The following SNW1 variants were observed in gnomAD, a reference collection of about 807,000 sequenced individuals.
SNW1 encodes the protein SNW domain-containing protein 1.
SNW1 carries 9 observed loss-of-function variants against 75.6 expected under a neutral mutation model. That is an observed-to-expected ratio of 0.12 (90% CI 0.07 to 0.21). The LOEUF (loss-of-function observed/expected upper bound fraction) is 0.21. Ranked by LOEUF, SNW1 falls within the 10% of genes least tolerant of loss-of-function variation. The pLI, the probability that SNW1 is intolerant of heterozygous loss-of-function variation, is 1.00. For missense variants in SNW1, 409 were observed against 670.9 expected (o/e 0.61, Z 4.31); for synonymous variants, 200 against 219.1 (o/e 0.91, Z 0.77).
intron 2 of SNW1, among the ~76,000 whole-genome samples, chr14:77,751,966 A>G (rs1362223981): frequency 6.6e-6 from 1 of 152,166 alleles, no homozygotes; most frequent in Non-Finnish European, 1.5e-5. Flanking sequence ...TAACAGCTTA[A>G]TAAGGACAGC....
intron 12 of SNW1, 50 bp downstream of exon 12, chr14:77,720,661 G>A (rs759601977): frequency 1.7e-6 from 2 of 1,181,734 alleles, no homozygotes; most frequent in Non-Finnish European, 2.5e-6. Flanking sequence ...GTTTCCCTGA[G>A]GATAGGTATT....
At chr14:77,737,522 A>G (rs1463191268) in intron 5 of SNW1, among the ~76,000 whole-genome samples, 2 of 152,208 alleles carry the variant, frequency 1.3e-5, no homozygotes, top group Admixed American at 6.5e-5. Flanking sequence ...TTTTTCCTCA[A>G]TATCTGTATG....
intron 10 of SNW1, among the ~76,000 whole-genome samples, chr14:77,725,388 C>CA (rs950853867): frequency 1.3e-4 from 20 of 152,150 alleles, no homozygotes; most frequent in African/African-American, 4.1e-4. Flanking sequence ...AGATTTTACC[C>CA]AAAAAATCTT....
chr14:77,735,735 G>C (rs2080665702), intron 7 of SNW1, among the ~76,000 whole-genome samples: 1 of 152,130 alleles, frequency 6.6e-6, no homozygotes, highest in Admixed American at 6.5e-5. Flanking sequence ...ATTAAAAGTA[G>C]GGTTTGCATT....
chr14:77,742,250 G>A (rs2080724976), intron 3 of SNW1, among the ~76,000 whole-genome samples: 1 of 151,940 alleles, frequency 6.6e-6, no homozygotes, highest in African/African-American at 2.4e-5. Flanking sequence ...TGGCCAGGCT[G>A]GTCTCGATCT....
chr14:77,757,237 A>G (rs2080848029), intron 1 of SNW1, among the ~76,000 whole-genome samples: 1 of 151,470 alleles, frequency 6.6e-6, no homozygotes, highest in South Asian at 2.1e-4. Flanking sequence ...AAAAAAAAAA[A>G]TCACACAAAT....
intron 1 of SNW1, among the ~76,000 whole-genome samples, chr14:77,755,684 T>A (rs2080837777): frequency 6.6e-6 from 1 of 151,978 alleles, no homozygotes; most frequent in African/African-American, 2.4e-5. Context: ...CCCAAAGTGC[T>A]GGAATTACAG....
chr14:77,747,707 C>T lies in SNW1; in HGVS notation c.330+3612G>A, dbSNP rs901930282. On this transcript the variant is annotated intron_variant, in intron 3 of 13. Coordinates refer to ENST00000261531, the MANE Select transcript of SNW1 (RefSeq NM_012245.3). The stretch of plus-strand genomic sequence containing the variant: ...AGCCGCCCCGTCCAGGAGGGAGGTG[C>T]GGGGCAGCCCCCGCCCCGGCAGCCG... Among the ~76,000 whole-genome samples the T allele has an allele frequency of 1.0e-4, 15 of 146,332 alleles. 1 individual carries two copies. The highest frequency in any genetic ancestry group is 2.1e-4 in the Non-Finnish European group (14 of 67,610).
intron 2 of SNW1, among the ~76,000 whole-genome samples, chr14:77,753,517 A>G (rs971369217): frequency 6.6e-6 from 1 of 152,204 alleles, no homozygotes; most frequent in African/African-American, 2.4e-5. Context: ...AATAATTGCA[A>G]TATGACTGGC....
intron 3 of SNW1, among the ~76,000 whole-genome samples, chr14:77,748,961 A>G (rs183696044): frequency 2.0e-5 from 3 of 152,324 alleles, no homozygotes; most frequent in East Asian, 3.9e-4. Flanking sequence ...AGCATAAACA[A>G]TTAGGAAAAT....
At chr14:77,726,350 G>A (rs1345101104) in intron 10 of SNW1, among the ~76,000 whole-genome samples, 1 of 152,004 alleles carries the variant, frequency 6.6e-6, no homozygotes, top group African/African-American at 2.4e-5. Flanking sequence ...AAAGAGATAG[G>A]GTCTTACTGT....
rs1318478789 is a variant in SNW1, at chr14:77,742,441, G to C, written c.331-3380C>G. 3.9e-5 allele frequency among the ~76,000 whole-genome samples: 6 copies of C among 152,124 alleles called. 1 individual carries two copies. The highest frequency in any genetic ancestry group is 8.8e-5 in the Non-Finnish European group (6 of 68,008). ...TTTCTGAAAAATACAATATACTCTT[G>C]AAAGTATCAGAAGCACAAATAAGCT... On this transcript the variant is annotated intron_variant, in intron 3 of 13. Coordinates refer to ENST00000261531, the MANE Select transcript of SNW1 (RefSeq NM_012245.3).
rs530519539 is a variant in SNW1, at chr14:77,717,899, CTT to C, written c.*187_*188del. On this transcript the variant is annotated 3_prime_UTR_variant, in exon 14 of 14. Coordinates refer to ENST00000261531, the MANE Select transcript of SNW1 (RefSeq NM_012245.3). ...GGGAGAAGCACAAACACAACCCACT[CTT>C]TAAAAAAAACTAAATAATTCAAAGT... 5.7e-3 allele frequency: 3,227 copies of C among 570,804 alleles called. 18 individuals are homozygous for C. Among genetic ancestry groups the C allele is most frequent in the Non-Finnish European group, 8.3e-3 (2,778 of 332,852 alleles). 35.4% of individuals were successfully genotyped at this position (570,804 alleles called of 1,614,324 possible).
intron 2 of SNW1, among the ~76,000 whole-genome samples, chr14:77,751,817 C>CACAT (rs1289267217): frequency 5.1e-5 from 6 of 117,230 alleles, no homozygotes; most frequent in Non-Finnish European, 9.3e-5. Flanking sequence ...CACACACACA[C>CACAT]ACACACACAC....
intron 11 of SNW1, chr14:77,722,979 G>A (rs1038292666): frequency 9.5e-6 from 5 of 526,654 alleles, no homozygotes; most frequent in Non-Finnish European, 1.7e-5. Flanking sequence ...CAAGTAGCTG[G>A]GACTACAGGC....
At chr14:77,733,488 T>A (rs1595080108) in intron 8 of SNW1, among the ~76,000 whole-genome samples, 1 of 146,070 alleles carries the variant, frequency 6.8e-6, no homozygotes, top group East Asian at 2.0e-4. Context: ...CTCAAGCCTG[T>A]AATCCCAACA....
intron 1 of SNW1, among the ~76,000 whole-genome samples, chr14:77,759,621 C>G (rs2139939843): frequency 6.6e-6 from 1 of 152,324 alleles, no homozygotes; most frequent in South Asian, 2.1e-4. Context: ...CTTTACTAGT[C>G]TATGACACAG....
rs55707854 is a variant in SNW1, at chr14:77,758,315, C to CAAAAAAAAAAAAA, written c.14+2786_14+2798dup. Among the ~76,000 whole-genome samples, 53 of 85,814 alleles carry CAAAAAAAAAAAAA rather than the reference C, an allele frequency of 6.2e-4. 1 individual carries two copies. Among genetic ancestry groups the CAAAAAAAAAAAAA allele is most frequent in the South Asian group, 1.0e-3 (2 of 1,972 alleles). 56.3% of individuals were successfully genotyped at this position (85,814 alleles called of 152,430 possible). Reference sequence around the variant, plus strand: ...CCTGGGTGAGAGTGAGACTCTGCCACAAAAAAAAAAAAAAAAAAAAAGAAC... The same window carrying CAAAAAAAAAAAAA: ...CCTGGGTGAGAGTGAGACTCTGCCACAAAAAAAAAAAAAAAAAAAAAAAAAAAAAAAAAAGAAC... On this transcript the variant is annotated intron_variant, in intron 1 of 13. Coordinates refer to ENST00000261531, the MANE Select transcript of SNW1 (RefSeq NM_012245.3).
Position 77,717,827 on chromosome 14 carries a change from TCTTGA to T in SNW1, c.*256_*260del. On this transcript the variant is annotated 3_prime_UTR_variant, in exon 14 of 14. Coordinates refer to ENST00000261531, the MANE Select transcript of SNW1 (RefSeq NM_012245.3). Reference sequence around the variant, plus strand: ...ACTAGTGTCACATAAAAGTAAGTGGTCTTGACTTTGTATGTGGGGCAGCATGTTCT... The same window carrying T: ...ACTAGTGTCACATAAAAGTAAGTGGTCTTTGTATGTGGGGCAGCATGTTCT... 1.8e-6 allele frequency: 1 copy of T among 569,508 alleles called. No homozygotes were observed. Among genetic ancestry groups the T allele is most frequent in the Non-Finnish European group, 3.1e-6 (1 of 324,974 alleles). 35.3% of individuals were successfully genotyped at this position (569,508 alleles called of 1,614,324 possible).
Sources: allele counts gnomAD v4.1 joint callset (sites outside exome capture counted in the v4.1 genomes callset), GRCh38; gene constraint gnomAD v4.1.1; transcripts MANE v1.5; gene names NCBI Gene and HGNC (gene_info 2026-07-23, HGNC 2026-07-21).